The following NME8 variants were observed in gnomAD, a reference collection of about 807,000 sequenced individuals.
NME8 encodes protein NME8.
In NME8, 72 loss-of-function variants were observed where a neutral mutation model predicts 82.3. That is an observed-to-expected ratio of 0.87 (90% CI 0.72 to 1.06). NME8 has a LOEUF of 1.06. NME8 is among the 50% of genes least tolerant of loss of function. NME8 has a pLI of 0.00. For synonymous variants in NME8, 267 were observed against 228.5 expected (o/e 1.17, Z -1.52); for missense variants, 712 against 685.4 (o/e 1.04, Z -0.43).
chr7:37,888,322 G>A lies in NME8; in HGVS notation c.1293G>A (p.Leu431=). 1 of 1,613,604 alleles carries A rather than the reference G, an allele frequency of 6.2e-7. No individual in the cohort carries two copies. The highest frequency in any genetic ancestry group is 8.5e-7 in the Non-Finnish European group (1 of 1,179,660). The change falls in exon 15 of 18, where the codon TTG becomes TTA. Residue 431 remains leucine (L), a synonymous_variant. Coordinates refer to ENST00000199447, the MANE Select transcript of NME8 (RefSeq NM_016616.5). ...TGGACAGTTTGCCGGTCAACCAGTT[G>A]TATGGCAGCGATTCATTAGAAACCG... ...FAMDSLPVNQ[L]YGSDSLETAE... is the part of the protein sequence containing the mutation.
At chr7:37,849,786 G>A (rs185261969) in intron 2 of NME8, among the ~76,000 whole-genome samples, 8 of 150,330 alleles carry the variant, frequency 5.3e-5, no homozygotes, top group East Asian at 3.9e-4. Flanking sequence ...CAGGAGAATC[G>A]CTTGAACCCA....
chr7:37,877,977 C>A (rs1784883194), intron 12 of NME8, among the ~76,000 whole-genome samples: 1 of 152,232 alleles, frequency 6.6e-6, no homozygotes, highest in East Asian at 1.9e-4. Context: ...ATTTCTTTTT[C>A]TTTCCTCATT....
chr7:37,880,161 G>T (rs1784920780), intron 12 of NME8, among the ~76,000 whole-genome samples: 1 of 151,610 alleles, frequency 6.6e-6, no homozygotes, highest in African/African-American at 2.4e-5. Flanking sequence ...TTTGGTTCTT[G>T]GTTTCTTAAA....
At chr7:37,897,814 T>C (rs1262461379) in intron 17 of NME8, among the ~76,000 whole-genome samples, 1 of 152,166 alleles carries the variant, frequency 6.6e-6, no homozygotes, top group Non-Finnish European at 1.5e-5. Context: ...TGACTTCCAG[T>C]TTCATCTATG....
At chr7:37,851,665 CT>C (rs1291269124) in intron 5 of NME8, among the ~76,000 whole-genome samples, 3 of 151,680 alleles carry the variant, frequency 2.0e-5, no homozygotes, top group African/African-American at 4.8e-5. Context: ...TTATTTTCAC[CT>C]TTTTTTGTTT....
At chr7:37,869,514 C>T (rs1731203271) in intron 11 of NME8, among the ~76,000 whole-genome samples, 2 of 152,144 alleles carry the variant, frequency 1.3e-5, no homozygotes, top group African/African-American at 4.8e-5. Context: ...TTACAACCAA[C>T]TTTGAGAAGC....
At chr7:37,854,804 A>ACC (rs56216809) in intron 5 of NME8, among the ~76,000 whole-genome samples, 10 of 151,684 alleles carry the variant, frequency 6.6e-5, no homozygotes, top group Admixed American at 2.6e-4. Flanking sequence ...GAAACCTTTC[A>ACC]CCCCCCACCT....
At chr7:37,894,053 G>T (rs1785177597) in intron 15 of NME8, among the ~76,000 whole-genome samples, 1 of 152,148 alleles carries the variant, frequency 6.6e-6, no homozygotes, top group South Asian at 2.1e-4. Flanking sequence ...CATTTGCTTT[G>T]TTTAATTCCC....
chr7:37,859,058 T>G (rs1404342580), intron 6 of NME8, among the ~76,000 whole-genome samples: 2 of 152,328 alleles, frequency 1.3e-5, no homozygotes, highest in African/African-American at 4.8e-5. Context: ...AAGCAGATGC[T>G]GGTGCCATGT....
intron 11 of NME8, among the ~76,000 whole-genome samples, chr7:37,872,037 G>A (rs1009696942): frequency 1.3e-5 from 2 of 151,704 alleles, no homozygotes; most frequent in African/African-American, 4.8e-5. Flanking sequence ...GAGAAGATGA[G>A]GGTGGTGTGG....
Position 37,850,270 on chromosome 7 carries a change from G to A in NME8, c.4G>A (p.Ala2Thr). 1.2e-6 allele frequency: 2 copies of A among 1,613,886 alleles called. No homozygotes were observed. The highest frequency in any genetic ancestry group is 1.1e-5 in the South Asian group (1 of 91,082). Residue 2 changes from alanine (A) to threonine (T), a missense_variant, in exon 3 of 18, where the codon GCA becomes ACA. Ala to Thr is a moderately conservative substitution (Grantham distance 58, BLOSUM62 0). Coordinates refer to ENST00000199447, the MANE Select transcript of NME8 (RefSeq NM_016616.5). ...TTTTTCCTATGATAGTAGATAAATGGCAAGCAAAAAACGAGAAGTCCAGTT... is the reference window on the plus strand; with the variant it reads ...TTTTTCCTATGATAGTAGATAAATGACAAGCAAAAAACGAGAAGTCCAGTT... M[A>T]SKKREVQLQT...
chr7:37,880,275 C>A (rs1375877794), intron 12 of NME8, among the ~76,000 whole-genome samples: 4 of 152,118 alleles, frequency 2.6e-5, no homozygotes, highest in Admixed American at 2.6e-4. Flanking sequence ...TCATTGCTAA[C>A]CACAAGGTCA....
intron 11 of NME8, among the ~76,000 whole-genome samples, chr7:37,874,579 G>A (rs1214465850): frequency 6.6e-6 from 1 of 152,044 alleles, no homozygotes; most frequent in Non-Finnish European, 1.5e-5. Flanking sequence ...ATGGAATGAA[G>A]AGCAGTTTGC....
intron 14 of NME8, among the ~76,000 whole-genome samples, chr7:37,887,666 C>T (rs1194006233): frequency 1.3e-5 from 2 of 152,132 alleles, no homozygotes; most frequent in Non-Finnish European, 2.9e-5. Flanking sequence ...AGTCTGTTCT[C>T]ATGCTGCTAT....
intron 14 of NME8, among the ~76,000 whole-genome samples, chr7:37,887,149 A>G (rs141504521): frequency 3.1e-3 from 470 of 152,332 alleles, no homozygotes; most frequent in South Asian, 0.012. Flanking sequence ...CTGAAAAAAT[A>G]CCAAAGAGCA....
intron 11 of NME8, among the ~76,000 whole-genome samples, chr7:37,868,438 T>A (rs79147789): frequency 6.8e-6 from 1 of 146,736 alleles, no homozygotes; most frequent in Admixed American, 6.8e-5. Context: ...ACTTTTTTTT[T>A]AAGCCTGGTA....
At chr7:37,863,371 T>C in intron 7 of NME8, 25 bp from the exon 8 acceptor site, 1 of 1,401,620 alleles carries the variant, frequency 7.1e-7, no homozygotes, top group South Asian at 1.2e-5. Context: ...CTGTGTTATC[T>C]TTGCATTGCA....
chr7:37,880,514 G>A (rs1346852179), intron 12 of NME8, among the ~76,000 whole-genome samples: 1 of 152,176 alleles, frequency 6.6e-6, no homozygotes, highest in Non-Finnish European at 1.5e-5. Flanking sequence ...CTATGTTTGT[G>A]TGGGTCTTTT....
intron 11 of NME8, 96 bp from the exon 12 acceptor site, chr7:37,876,736 C>T: frequency 1.1e-6 from 1 of 879,148 alleles, no homozygotes; most frequent in Middle Eastern, 3.4e-4. Flanking sequence ...TTTTATTAAA[C>T]TTCTAGTAAT....
Sources: gnomAD v4.1 joint callset for allele counts (sites outside exome capture counted in the v4.1 genomes callset) on GRCh38, gnomAD v4.1.1 for gene constraint, MANE v1.5 for transcripts, NCBI Gene and HGNC (gene_info 2026-07-23, HGNC 2026-07-21) for gene names.